The following LPA variants were observed in gnomAD, a reference collection of about 807,000 sequenced individuals.
LPA encodes the protein lipoprotein(a), also known as apolipoprotein(a).
In LPA, 199 loss-of-function variants were observed where a neutral mutation model predicts 197.9. That is an observed-to-expected ratio of 1.01 (90% CI 0.90 to 1.13). The LOEUF (loss-of-function observed/expected upper bound fraction) is 1.13. Ranked by LOEUF, LPA falls within the 50% of genes most tolerant of loss-of-function variation. The pLI, the probability that LPA is intolerant of heterozygous loss-of-function variation, is 0.00. For synonymous variants in LPA, 715 were observed against 639.5 expected, an observed-to-expected ratio of 1.12 and a Z score of -1.78; for missense variants, 1,853 against 1,785.8, an observed-to-expected ratio of 1.04 and a Z score of -0.68.
chr6:160,578,700 G>A lies in LPA; in HGVS notation c.4294C>T (p.Leu1432=), dbSNP rs761418281. 37 of 1,613,792 alleles carry A rather than the reference G, an allele frequency of 2.3e-5. No homozygotes were observed. The highest frequency in any genetic ancestry group is 1.7e-4 in the Middle Eastern group (1 of 5,928). Reference sequence around the variant, plus strand: ...GGATTCCTGCAGTAGTTCCTGGTCAGGCCACTGCAAATTTCAAAACAACAC... The same window carrying A: ...GGATTCCTGCAGTAGTTCCTGGTCAAGCCACTGCAAATTTCAAAACAACAC... ...RIPLYYPNAG[L]TRNYCRNPDA... Residue 1432 remains leucine, a synonymous_variant, in exon 27 of 39, where the codon CTG becomes TTG. Coordinates refer to ENST00000316300, the MANE Select transcript of LPA (RefSeq NM_005577.4).
intron 26 of LPA, among the ~76,000 whole-genome samples, chr6:160,582,863 T>C (rs1778827073): frequency 6.6e-6 from 1 of 152,158 alleles, no homozygotes; most frequent in South Asian, 2.1e-4. Flanking sequence ...TAGATGTCCT[T>C]GAGGCTCTGT....
Position 160,599,619 on chromosome 6 carries a change from G to A in LPA, c.3168C>T (p.Tyr1056=), listed in dbSNP as rs1562338804. 1.2e-6 allele frequency: 2 copies of A among 1,614,080 alleles called. No individual in the cohort carries two copies. Among genetic ancestry groups the A allele is most frequent in the Non-Finnish European group, 1.7e-6 (2 of 1,179,976 alleles). ...EETPGVQDCY[Y]HYGQSYRGTY... ...TGCCTCGGTAACTCTGTCCATAATG[G>A]TAGTAGCAGTCCTGTACCCCGGGGG... Residue 1056 remains tyrosine (Y), a synonymous_variant, in exon 20 of 39, where the codon TAC becomes TAT. Coordinates refer to ENST00000316300, the MANE Select transcript of LPA (RefSeq NM_005577.4).
intron 30 of LPA, among the ~76,000 whole-genome samples, chr6:160,553,967 G>GCGCA (rs1320848119): frequency 1.3e-5 from 2 of 148,786 alleles, no homozygotes; most frequent in African/African-American, 4.9e-5. Flanking sequence ...GCGCGCGCGC[G>GCGCA]TGTGCGTGTG....
chr6:160,657,116 T>C (rs1237257010), intron 1 of LPA, among the ~76,000 whole-genome samples: 2 of 152,232 alleles, frequency 1.3e-5, no homozygotes, highest in Non-Finnish European at 2.9e-5. Context: ...CTGTGGTTCC[T>C]ACTGTTAGAT....
intron 25 of LPA, among the ~76,000 whole-genome samples, chr6:160,585,760 G>T (rs893967355): frequency 6.6e-6 from 1 of 152,108 alleles, no homozygotes; most frequent in Non-Finnish European, 1.5e-5. Context: ...TATAGCCTAG[G>T]AGGGGAGACA....
chr6:160,577,917 A>G (rs1455389257), intron 27 of LPA, among the ~76,000 whole-genome samples: 4 of 152,194 alleles, frequency 2.6e-5, no homozygotes, highest in African/African-American at 4.8e-5. Flanking sequence ...CTCACTGCCA[A>G]TGCAGGTTTC....
At chr6:160,560,463 G>C (rs1198824292) in intron 28 of LPA, among the ~76,000 whole-genome samples, 1 of 152,132 alleles carries the variant, frequency 6.6e-6, no homozygotes, top group Non-Finnish European at 1.5e-5. Context: ...GTTGTTTCCT[G>C]ACTTTTTAAT....
intron 37 of LPA, among the ~76,000 whole-genome samples, chr6:160,535,886 C>G (rs1051613236): frequency 2.0e-5 from 3 of 152,186 alleles, no homozygotes; most frequent in Non-Finnish European, 2.9e-5. Context: ...TTCATGCTTT[C>G]ATCAGTTGAG....
intron 18 of LPA, among the ~76,000 whole-genome samples, chr6:160,603,580 A>T (rs1221008912): frequency 6.6e-6 from 1 of 152,114 alleles, no homozygotes; most frequent in African/African-American, 2.4e-5. Context: ...TTGCCATTCT[A>T]ATCATTTCTG....
rs115992524 is a variant in LPA, at chr6:160,537,043, C to T, written c.5842+812G>A. ...TATCTGGCAAGTGGCAGAGTCAGAA[C>T]AGTTTTCCAGGGCCCCAGACTCCCA... is the stretch of plus-strand genomic sequence containing the variant. On this transcript the variant is annotated intron_variant, in intron 37 of 38. Transcript: ENST00000316300. Among the ~76,000 whole-genome samples the T allele has an allele frequency of 5.2e-3, 789 of 152,298 alleles. 5 individuals carry two copies. Among genetic ancestry groups the T allele is most frequent in the African/African-American group, 0.018 (737 of 41,566 alleles).
chr6:160,606,721 C>T (rs181364270), intron 16 of LPA, 63 bp from the exon 17 acceptor site: 109 of 1,585,044 alleles, frequency 6.9e-5, no homozygotes, highest in Admixed American at 5.7e-4. Flanking sequence ...CACCCCACAC[C>T]CTCTCCTTTG....
Position 160,611,475 on chromosome 6 carries a change from T to C in LPA, c.2603+87A>G, listed in dbSNP as rs908362305. 19 of 1,569,136 alleles carry C rather than the reference T, an allele frequency of 1.2e-5. 1 individual carries two copies. Among genetic ancestry groups the C allele is most frequent in the Non-Finnish European group, 1.6e-5 (18 of 1,150,490 alleles). ...CCATCTGAATCTGACACAAGTTGAGTTCGGAGAACTCAGCTTGAAGCATGT... is the reference window on the plus strand; with the variant it reads ...CCATCTGAATCTGACACAAGTTGAGCTCGGAGAACTCAGCTTGAAGCATGT... On this transcript the variant is annotated intron_variant, in intron 16 of 38. Coordinates refer to ENST00000316300, the MANE Select transcript of LPA (RefSeq NM_005577.4).
At chr6:160,590,856 G>A in intron 23 of LPA, 88 bp downstream of exon 23, 2 of 1,544,292 alleles carry the variant, frequency 1.3e-6, no homozygotes, top group Non-Finnish European at 1.8e-6. Context: ...TTCCCGTGCA[G>A]CATGGAAGGC....
chr6:160,609,993 T>C (rs931559021), intron 16 of LPA, among the ~76,000 whole-genome samples: 2 of 152,180 alleles, frequency 1.3e-5, no homozygotes, highest in African/African-American at 2.4e-5. Context: ...GGCTATTCTA[T>C]ACTATTAATT....
At chr6:160,553,586 C>T (rs1778200687) in intron 30 of LPA, among the ~76,000 whole-genome samples, 1 of 152,092 alleles carries the variant, frequency 6.6e-6, no homozygotes, top group Admixed American at 6.5e-5. Flanking sequence ...ATTACTGTCC[C>T]TCTATGTAAA....
In LPA at chr6:160,611,569, G is replaced by C; in HGVS notation, c.2596C>G (p.Pro866Ala). ...HSHSRTPEYY[P>A]NAGLIMNYCR... ...TAAAGAACAAAGACATACGCATTTG[G>C]GTAGTATTCTGGGGTCCGACTATGC... Residue 866 changes from proline (P) to alanine (A), a missense_variant, in exon 16 of 39, where the codon CCA becomes GCA. Coordinates refer to ENST00000316300, the MANE Select transcript of LPA (RefSeq NM_005577.4). 3.7e-6 allele frequency: 6 copies of C among 1,606,138 alleles called. No homozygotes were observed. Among genetic ancestry groups the C allele is most frequent in the Non-Finnish European group, 4.2e-6 (5 of 1,179,060 alleles).
At chr6:160,653,572 G>C (rs1306301391) in intron 1 of LPA, among the ~76,000 whole-genome samples, 1 of 151,936 alleles carries the variant, frequency 6.6e-6, no homozygotes, top group African/African-American at 2.4e-5. Context: ...GGACCAGAGA[G>C]ATTCCTAGCC....
chr6:160,539,628 A>G (rs1777948374), intron 36 of LPA, among the ~76,000 whole-genome samples: 1 of 152,144 alleles, frequency 6.6e-6, no homozygotes, highest in Non-Finnish European at 1.5e-5. Flanking sequence ...AATAGCAGTG[A>G]TTAGAGGCGC....
At chr6:160,556,749 C>T (rs1164715060) in intron 29 of LPA, among the ~76,000 whole-genome samples, 2 of 152,160 alleles carry the variant, frequency 1.3e-5, no homozygotes, top group Non-Finnish European at 2.9e-5. Context: ...CTTGTTCCAG[C>T]ATCCTGCATT....
Sources: allele counts gnomAD v4.1 joint callset (sites outside exome capture counted in the v4.1 genomes callset), GRCh38; gene constraint gnomAD v4.1.1; transcripts MANE v1.5; gene names NCBI Gene and HGNC (gene_info 2026-07-23, HGNC 2026-07-21).